The following DNAH6 variants were observed in gnomAD, a reference collection of about 807,000 sequenced individuals.
DNAH6 encodes dynein axonemal heavy chain 6.
DNAH6 carries 340 observed loss-of-function variants against 491.4 expected under a neutral mutation model. The ratio of observed to expected loss-of-function variants is 0.69; its 90% CI spans 0.63 to 0.76. DNAH6 has a LOEUF of 0.76. DNAH6 is among the 30% of genes least tolerant of loss of function. The pLI is 0.00. For synonymous variants in DNAH6, 1,603 were observed against 1,686.1 expected (o/e 0.95, Z 1.21); for missense variants, 4,443 against 4,972.2 (o/e 0.89, Z 3.20).
chr2:84,601,071 G>GTATAATAATAACGTTATTATTATAGTAT (rs1558778972), intron 18 of DNAH6, among the ~76,000 whole-genome samples: 3 of 132,690 alleles, frequency 2.3e-5, no homozygotes, highest in African/African-American at 1.1e-4. Context: ...ATACTATAAG[G>GTATAATAATAACGTTATTATTATAGTAT]AATCCTTGTA....
intron 45 of DNAH6, among the ~76,000 whole-genome samples, chr2:84,690,341 C>A (rs992717016): frequency 2.6e-5 from 4 of 152,166 alleles, no homozygotes; most frequent in African/African-American, 7.2e-5. Context: ...AGTGTTATAA[C>A]ATAGGTTGTT....
rs202069726 is a variant in DNAH6 at position 84,552,919 on chromosome 2, G to C, written c.1487G>C (p.Gly496Ala). ...ACACTGTACATATATTCATTTCAGG[G>C]GACCCTTATGGTGGAAAAGCAAGAA... ...EEKPEVPDKK[G>A]TLMVEKQEED... The change falls in exon 10 of 77, where the codon GGG becomes GCG. Residue 496 changes from glycine to alanine, a missense_variant and splice_region_variant. Physicochemically the swap from Gly to Ala is moderately conservative, Grantham distance 60. Coordinates refer to ENST00000389394, the MANE Select transcript of DNAH6 (RefSeq NM_001370.2). 9 of 1,592,476 alleles carry C rather than the reference G, an allele frequency of 5.7e-6. No individual in the cohort carries two copies. The East Asian group carries it at 1.8e-4, about 32-fold the overall frequency.
chr2:84,664,996 C>CT (rs138715783), intron 37 of DNAH6, among the ~76,000 whole-genome samples: 34,958 of 152,056 alleles, frequency 0.23, 5,115 homozygotes, highest in Non-Finnish European at 0.32. Context: ...TCCTGAATGA[C>CT]TACTGGGTAC....
chr2:84,785,923 C>T (rs766900192), intron 67 of DNAH6, among the ~76,000 whole-genome samples, 167 bp downstream of exon 67: 2 of 152,194 alleles, frequency 1.3e-5, no homozygotes, highest in Admixed American at 1.3e-4. Context: ...CCCTTGCCTT[C>T]GTATTTCACA....
intron 14 of DNAH6, 95 bp downstream of exon 14, chr2:84,579,774 A>T (rs1419349632): frequency 1.2e-5 from 13 of 1,061,366 alleles, no homozygotes; most frequent in African/African-American, 1.6e-5. Flanking sequence ...GGGGCAAAAG[A>T]CAGCTGTCAA....
At chr2:84,750,784 C>T (rs1416243742) in intron 63 of DNAH6, 4 of 152,192 alleles carry the variant, frequency 2.6e-5, no homozygotes, top group African/African-American at 9.7e-5. Context: ...TATAACATAG[C>T]TGTCCACATG....
chr2:84,688,238 CAAA>C (rs34421243), intron 44 of DNAH6, among the ~76,000 whole-genome samples, 198 bp from the exon 45 acceptor site: 2 of 95,836 alleles, frequency 2.1e-5, no homozygotes, highest in Non-Finnish European at 2.2e-5. Flanking sequence ...GACTCCATCT[CAAA>C]AAAAAAAAAA....
At chr2:84,604,052 G>A (rs1685517100) in intron 18 of DNAH6, among the ~76,000 whole-genome samples, 1 of 152,156 alleles carries the variant, frequency 6.6e-6, no homozygotes, top group South Asian at 2.1e-4. Flanking sequence ...GTCATCCCAA[G>A]GAATCTGCCC....
At chr2:84,496,712 TAA>T in the DNAH6 span, among the ~76,000 whole-genome samples, 2 of 152,210 alleles carry the variant, frequency 1.3e-5, no homozygotes, top group Admixed American at 6.5e-5. Flanking sequence ...TTTATTGTTA[TAA>T]GTTACATATT....
chr2:84,693,690 C>T (rs1695099894), intron 45 of DNAH6, among the ~76,000 whole-genome samples: 1 of 148,742 alleles, frequency 6.7e-6, no homozygotes, highest in African/African-American at 2.5e-5. Context: ...GAGCCGAGAT[C>T]ACACCACTGC....
intron 33 of DNAH6, among the ~76,000 whole-genome samples, chr2:84,652,504 A>T (rs1690545549): frequency 6.6e-6 from 1 of 152,046 alleles, no homozygotes; most frequent in South Asian, 2.1e-4. Context: ...TTCATGCTTT[A>T]AGTTTGTATA....
chr2:84,610,448 T>C (rs995438560), intron 21 of DNAH6, among the ~76,000 whole-genome samples: 13 of 152,170 alleles, frequency 8.5e-5, no homozygotes, highest in East Asian at 5.8e-4. Flanking sequence ...GGGGCCACCT[T>C]ATGAGTCTTG....
Position 84,588,895 on chromosome 2 carries a change from G to C in DNAH6, c.2551G>C (p.Val851Leu), listed in dbSNP as rs1213334251. The C allele has an allele frequency of 1.3e-6, 2 of 1,550,704 alleles. No homozygotes were observed. The highest frequency in any genetic ancestry group is 2.0e-5 in the Admixed American group (1 of 50,888). Residue 851 changes from valine (V) to leucine (L), a missense_variant, in exon 16 of 77, where the codon GTT (valine) becomes CTT (leucine). Val to Leu is a conservative substitution (Grantham distance 32). Transcript: ENST00000389394. The part of the protein sequence containing the change: ...IRLILNNLQS[V>L]LADLQKRAFQ... ...GCTCATATTGAATAATCTGCAATCT[G>C]TTCTGGCTGATCTTCAGAAACGTGC...
At chr2:84,762,558 A>G (rs1196507362) in intron 63 of DNAH6, among the ~76,000 whole-genome samples, 197 bp from the exon 64 acceptor site, 1 of 152,172 alleles carries the variant, frequency 6.6e-6, no homozygotes, top group Non-Finnish European at 1.5e-5. Context: ...CTTGTGAGTC[A>G]TGAGAACCAT....
chr2:84,586,824 C>T (rs1683602726), intron 15 of DNAH6, among the ~76,000 whole-genome samples: 1 of 152,168 alleles, frequency 6.6e-6, no homozygotes. Context: ...CTATTAATTG[C>T]TCTACCATAT....
chr2:84,485,015 T>C, the DNAH6 span, among the ~76,000 whole-genome samples: 1 of 152,196 alleles, frequency 6.6e-6, no homozygotes, highest in Non-Finnish European at 1.5e-5. Flanking sequence ...AATTCAGCTT[T>C]TGCTAACAGT....
At chr2:84,607,590 G>A (rs79885990) in intron 21 of DNAH6, among the ~76,000 whole-genome samples, 4,330 of 152,138 alleles carry the variant, frequency 0.028, 221 homozygotes, top group African/African-American at 0.099. Context: ...GCATTACACA[G>A]CATACCCATT....
rs1278782208 is a variant in DNAH6 at position 84,685,349 on chromosome 2, A to G, written c.6940A>G (p.Thr2314Ala). 7.9e-6 allele frequency: 12 copies of G among 1,516,224 alleles called. No individual in the cohort carries two copies. Among genetic ancestry groups the G allele is most frequent in the African/African-American group, 6.9e-5 (5 of 72,108 alleles). The allele number at this position is 1,516,224 out of a possible 1,614,324, so 93.9% of individuals were successfully genotyped here. A position where few individuals can be genotyped will look rare whatever the true frequency, so the allele number is the denominator to read the frequency against. The change falls in exon 43 of 77, where the codon ACA (threonine) becomes GCA (alanine). Residue 2314 changes from threonine (T) to alanine (A), a missense_variant. Thr to Ala is a moderately conservative substitution (Grantham distance 58). This residue lies in a region of DNAH6 where 2,977 missense variants were observed against 3,296.6 expected (regional missense o/e 0.90). Transcript: ENST00000389394. Reference protein sequence around the residue: ...VQGILQCDPGTIREEIQIFRL... With the variant: ...VQGILQCDPGAIREEIQIFRL... The stretch of plus-strand genomic sequence containing the variant: ...AGGTATCCTCCAATGTGATCCAGGA[A>G]CAATAAGAGAAGAAATTCAGATATT...
At chr2:84,524,200 C>A (rs116348575) in intron 2 of DNAH6, among the ~76,000 whole-genome samples, 1,709 of 151,430 alleles carry the variant, frequency 0.011, 31 homozygotes, top group African/African-American at 0.04. Context: ...TATGTAATGC[C>A]CTTTTTTGTC....
Sources: allele counts gnomAD v4.1 joint callset (sites outside exome capture counted in the v4.1 genomes callset), GRCh38; gene constraint gnomAD v4.1.1; regional missense constraint gnomAD v4.1.1; transcripts MANE v1.5; gene names NCBI Gene and HGNC (gene_info 2026-07-23, HGNC 2026-07-21).